Variants in BTRC observed in about 807,000 individuals in gnomAD.
The protein encoded by BTRC is beta-transducin repeat containing E3 ubiquitin protein ligase.
BTRC carries 42 observed loss-of-function variants against 85.5 expected under a neutral mutation model. That is an observed-to-expected ratio of 0.49 (90% CI 0.38 to 0.64). The LOEUF (loss-of-function observed/expected upper bound fraction) is 0.64. Ranked by LOEUF, BTRC falls within the 30% of genes least tolerant of loss-of-function variation. The pLI, the probability that BTRC is intolerant of heterozygous loss-of-function variation, is 0.00. For synonymous variants in BTRC, 255 were observed against 263.3 expected (o/e 0.97, Z 0.30); for missense variants, 594 against 743.5 (o/e 0.80, Z 2.34).
intron 1 of BTRC, among the ~76,000 whole-genome samples, chr10:101,382,134 C>T (rs1470103371): frequency 1.3e-5 from 2 of 151,566 alleles, no homozygotes; most frequent in African/African-American, 4.9e-5. Context: ...AGGCACCTGC[C>T]ACCACGCCCG....
intron 1 of BTRC, among the ~76,000 whole-genome samples, chr10:101,366,775 T>TAC: frequency 9.0e-6 from 1 of 110,814 alleles, no homozygotes; most frequent in East Asian, 2.5e-4. Flanking sequence ...GTTATATATA[T>TAC]ATATATATAT....
intron 1 of BTRC, among the ~76,000 whole-genome samples, chr10:101,389,119 G>GGTTTTTTTTT (rs1943165921): frequency 2.4e-5 from 1 of 41,556 alleles, no homozygotes; most frequent in Non-Finnish European, 4.0e-5. Context: ...TTTTGTGTGT[G>GGTTTTTTTTT]TTTTTTTTTT....
intron 1 of BTRC, among the ~76,000 whole-genome samples, chr10:101,385,854 A>G (rs1381719544): frequency 6.6e-6 from 1 of 151,078 alleles, no homozygotes; most frequent in Non-Finnish European, 1.5e-5. Flanking sequence ...CTTGCATAGT[A>G]TATTTTTATT....
At chr10:101,379,514 G>A (rs1942876220) in intron 1 of BTRC, among the ~76,000 whole-genome samples, 1 of 152,080 alleles carries the variant, frequency 6.6e-6, no homozygotes, top group South Asian at 2.1e-4. Flanking sequence ...GATCAACTGA[G>A]ACTTTGATTT....
At chr10:101,387,247 A>G (rs1400639625) in intron 1 of BTRC, among the ~76,000 whole-genome samples, 5 of 151,738 alleles carry the variant, frequency 3.3e-5, no homozygotes, top group Non-Finnish European at 7.4e-5. Context: ...TATGGGGTAT[A>G]TACTGATATT....
chr10:101,362,162 T>C (rs549597163), intron 1 of BTRC, among the ~76,000 whole-genome samples: 29 of 151,754 alleles, frequency 1.9e-4, no homozygotes, highest in South Asian at 8.3e-4. Context: ...GGTTTCACCA[T>C]GTTGGCCAGG....
intron 1 of BTRC, among the ~76,000 whole-genome samples, chr10:101,379,469 A>G (rs990205834): frequency 2.0e-5 from 3 of 152,180 alleles, no homozygotes; most frequent in African/African-American, 7.2e-5. Flanking sequence ...GTGTCTTTAA[A>G]ATGTAGGTAC....
intron 1 of BTRC, among the ~76,000 whole-genome samples, chr10:101,368,464 CTTT>C (rs60190021): frequency 3.3e-3 from 247 of 75,306 alleles, no homozygotes; most frequent in East Asian, 9.4e-3. Flanking sequence ...AACTGTTTTT[CTTT>C]TTTTTTTTTT....
chr10:101,530,055 A>G (rs979843406), intron 6 of BTRC, among the ~76,000 whole-genome samples: 5 of 151,982 alleles, frequency 3.3e-5, no homozygotes, highest in African/African-American at 1.2e-4. Flanking sequence ...AGTGATTGCC[A>G]TTTACTGATT....
chr10:101,416,550 GTTGTTGTTGTTA>G (rs1156755146), intron 1 of BTRC, among the ~76,000 whole-genome samples: 1 of 151,860 alleles, frequency 6.6e-6, no homozygotes, highest in African/African-American at 2.4e-5. Flanking sequence ...AGCCTGAGTT[GTTGTTGTTGTTA>G]TTGTTGTTGT....
chr10:101,470,745 A>C (rs191496486), intron 3 of BTRC, among the ~76,000 whole-genome samples: 50 of 152,310 alleles, frequency 3.3e-4, no homozygotes, highest in Admixed American at 4.6e-4. Context: ...TAAGTTTACT[A>C]TTTATACTTA....
At chr10:101,385,789 C>T (rs1225753514) in intron 1 of BTRC, among the ~76,000 whole-genome samples, 1 of 150,832 alleles carries the variant, frequency 6.6e-6, no homozygotes, top group Non-Finnish European at 1.5e-5. Context: ...ATCCCTGAAT[C>T]CTATCTATGG....
At chr10:101,502,289 G>C (rs1324032209) in intron 4 of BTRC, among the ~76,000 whole-genome samples, 1 of 152,066 alleles carries the variant, frequency 6.6e-6, no homozygotes, top group Non-Finnish European at 1.5e-5. Context: ...GTAATGCACT[G>C]AGAGTCTTGT....
At position 101,362,500 on chromosome 10, in the gene BTRC, A is replaced by G. The variant is rs184637718; in HGVS notation, c.48+8272A>G. On this transcript the variant is annotated intron_variant, in intron 1 of 14. Coordinates refer to ENST00000370187, the MANE Select transcript of BTRC (RefSeq NM_033637.4). ...AACCTCCGCCTCCCGGGTTCAAGCT[A>G]TTCTCCTGCCTCAGCCTCCCGAGTA... 4.0e-5 allele frequency among the ~76,000 whole-genome samples: 6 copies of G among 151,482 alleles called. No homozygotes were observed. The East Asian group carries it at 9.8e-4, about 25-fold the overall frequency.
chr10:101,404,175 T>C (rs10883640), intron 1 of BTRC, among the ~76,000 whole-genome samples: 54,539 of 149,990 alleles, frequency 0.36, 10,878 homozygotes, highest in Middle Eastern at 0.48. Context: ...GGACTACAGG[T>C]GCCCGCCATC....
intron 1 of BTRC, among the ~76,000 whole-genome samples, chr10:101,421,203 A>G (rs377764406): frequency 1.2e-4 from 19 of 152,020 alleles, no homozygotes; most frequent in African/African-American, 3.9e-4. Context: ...GATGTACGTT[A>G]TCTTCTCCAT....
intron 1 of BTRC, among the ~76,000 whole-genome samples, chr10:101,372,308 G>A (rs545653694): frequency 6.7e-6 from 1 of 149,646 alleles, no homozygotes; most frequent in East Asian, 2.0e-4. Flanking sequence ...TCAGGCTGCA[G>A]TGCAGTGGCG....
At chr10:101,417,063 CCT>C (rs2134041818) in intron 1 of BTRC, among the ~76,000 whole-genome samples, 1 of 152,086 alleles carries the variant, frequency 6.6e-6, no homozygotes, top group African/African-American at 2.4e-5. Flanking sequence ...TGTCCCATCA[CCT>C]CTGAATTCTC....
intron 1 of BTRC, among the ~76,000 whole-genome samples, chr10:101,389,624 T>G (rs1294613291): frequency 7.0e-6 from 1 of 142,148 alleles, no homozygotes; most frequent in African/African-American, 2.6e-5. Context: ...TTTTTTTTTT[T>G]TTTTTTTTTT....
Sources: allele counts gnomAD v4.1 joint callset (sites outside exome capture counted in the v4.1 genomes callset), GRCh38; gene constraint gnomAD v4.1.1; transcripts MANE v1.5; gene names NCBI Gene and HGNC (gene_info 2026-07-23, HGNC 2026-07-21).